Variants in CHCHD3 observed in about 807,000 individuals in gnomAD.
CHCHD3 encodes MICOS complex subunit MIC19.
In CHCHD3, 20 loss-of-function variants were observed where a neutral mutation model predicts 38.2. That is an observed-to-expected ratio of 0.52 (90% CI 0.37 to 0.76). CHCHD3 has a LOEUF of 0.76. Among genes scored for constraint, CHCHD3 ranks in the 30% least tolerant of loss-of-function variants. The pLI is 0.00. For missense variants in CHCHD3, 245 were observed against 279.2 expected (o/e 0.88, Z 0.87); for synonymous variants, 82 against 100.0 (o/e 0.82, Z 1.07).
At chr7:132,923,911 T>C (rs551434984) in intron 4 of CHCHD3, among the ~76,000 whole-genome samples, 5 of 152,338 alleles carry the variant, frequency 3.3e-5, no homozygotes, top group South Asian at 4.1e-4. Context: ...CATAGATGAA[T>C]TGTTTAATTT....
chr7:132,973,918 A>G (rs1166972966), intron 4 of CHCHD3: 2 of 1,257,386 alleles, frequency 1.6e-6, no homozygotes, highest in Non-Finnish European at 1.0e-6. Flanking sequence ...CTGTGCTCCA[A>G]TGAGGACTAA....
rs1810646202 is a variant in CHCHD3 at position 132,936,926 on chromosome 7, T to G, written c.369+38243A>C. Among the ~76,000 whole-genome samples, 3 of 152,186 alleles carry G rather than the reference T, an allele frequency of 2.0e-5. No individual in the cohort carries two copies. In the South Asian group the frequency reaches 6.2e-4, roughly 31 times the overall value. On this transcript the variant is annotated intron_variant, in intron 4 of 7. Coordinates refer to ENST00000262570, the MANE Select transcript of CHCHD3 (RefSeq NM_017812.4). ...TAGCCATTGTCAAGAAAATTGGAGTTGCTCAGGCATAGCAGAGTTACTGAT... is the reference window on the plus strand; with the variant it reads ...TAGCCATTGTCAAGAAAATTGGAGTGGCTCAGGCATAGCAGAGTTACTGAT...
chr7:132,920,974 G>C (rs976153559), intron 4 of CHCHD3, among the ~76,000 whole-genome samples: 1 of 152,090 alleles, frequency 6.6e-6, no homozygotes, highest in Non-Finnish European at 1.5e-5. Flanking sequence ...CTCCAGTACT[G>C]GCTGGGGAAG....
intron 3 of CHCHD3, among the ~76,000 whole-genome samples, chr7:132,996,085 C>A (rs921371858): frequency 4.6e-5 from 7 of 152,244 alleles, no homozygotes; most frequent in South Asian, 2.1e-4. Flanking sequence ...GGTAAAAAAA[C>A]CAAATAGCTA....
At chr7:132,794,581 T>G (rs1806555540) in intron 7 of CHCHD3, among the ~76,000 whole-genome samples, 1 of 152,182 alleles carries the variant, frequency 6.6e-6, no homozygotes, top group Non-Finnish European at 1.5e-5. Flanking sequence ...ATTATTAACT[T>G]GTATTATACA....
intron 5 of CHCHD3, among the ~76,000 whole-genome samples, chr7:132,871,195 T>C (rs1808759958): frequency 6.6e-6 from 1 of 152,234 alleles, no homozygotes; most frequent in African/African-American, 2.4e-5. Flanking sequence ...TTACTTTATA[T>C]AACTTGAGCC....
chr7:133,079,687 T>G (rs1815113118), intron 1 of CHCHD3, among the ~76,000 whole-genome samples: 1 of 152,212 alleles, frequency 6.6e-6, no homozygotes, highest in Admixed American at 6.5e-5. Context: ...TTTAAACTGA[T>G]GTCTGCTTAA....
chr7:133,060,876 C>G (rs1814486677), intron 2 of CHCHD3, among the ~76,000 whole-genome samples: 1 of 152,144 alleles, frequency 6.6e-6, no homozygotes, highest in Non-Finnish European at 1.5e-5. Flanking sequence ...AGGCATTGCA[C>G]TCCAGCCTGG....
chr7:132,914,108 C>G (rs1810037733), intron 4 of CHCHD3, among the ~76,000 whole-genome samples: 1 of 149,012 alleles, frequency 6.7e-6, no homozygotes, highest in East Asian at 2.0e-4. Context: ...TACAGATGCC[C>G]ACCACCATGC....
chr7:133,024,700 A>G, intron 2 of CHCHD3, 73 bp from the exon 3 acceptor site: 1 of 1,136,162 alleles, frequency 8.8e-7, no homozygotes, highest in Non-Finnish European at 1.3e-6. Context: ...AATACTCAGG[A>G]AAGCCCGGCT....
intron 6 of CHCHD3, among the ~76,000 whole-genome samples, chr7:132,835,893 T>C (rs1324262689): frequency 1.3e-5 from 2 of 152,154 alleles, no homozygotes; most frequent in Non-Finnish European, 2.9e-5. Context: ...CAGATTAGCA[T>C]GTAGACACAA....
At chr7:132,901,260 C>T (rs150178146) in intron 4 of CHCHD3, among the ~76,000 whole-genome samples, 3 of 152,224 alleles carry the variant, frequency 2.0e-5, no homozygotes, top group Non-Finnish European at 4.4e-5. Flanking sequence ...CAAATGATAA[C>T]CTGAGGCCTA....
At position 132,881,658 on chromosome 7, in the gene CHCHD3, T is replaced by G. The variant is rs138180327; in HGVS notation, c.453+4004A>C. 1.2e-4 allele frequency among the ~76,000 whole-genome samples: 19 copies of G among 152,334 alleles called. 1 individual carries two copies. The highest frequency in any genetic ancestry group is 3.4e-3 in the Middle Eastern group (1 of 294). On this transcript the variant is annotated intron_variant, in intron 5 of 7. Transcript: ENST00000262570. ...AAAGATATGTGCTTATGTCCACTTTTAAACCACAGGCAACCTGGATTTCCT... is the reference window on the plus strand; with the variant it reads ...AAAGATATGTGCTTATGTCCACTTTGAAACCACAGGCAACCTGGATTTCCT...
In CHCHD3 at chr7:132,897,014, T is replaced by C. The variant is rs372245908; in HGVS notation, c.370-11269A>G. On this transcript the variant is annotated intron_variant, in intron 4 of 7. Coordinates refer to ENST00000262570, the MANE Select transcript of CHCHD3 (RefSeq NM_017812.4). The stretch of plus-strand genomic sequence containing the variant: ...ATCAACTACTGAATGCTACCATCAC[T>C]GGTAAAAGCAGGGTGGTCTCAACTC... Among the ~76,000 whole-genome samples the C allele has an allele frequency of 1.6e-4, 24 of 152,340 alleles. No individual in the cohort carries two copies. The East Asian group carries it at 3.7e-3, about 23-fold the overall frequency.
chr7:132,983,351 T>C (rs1811968831), intron 3 of CHCHD3, among the ~76,000 whole-genome samples: 1 of 152,046 alleles, frequency 6.6e-6, no homozygotes, highest in African/African-American at 2.4e-5. Context: ...TATCAAAATG[T>C]ATGCACACAA....
intron 6 of CHCHD3, chr7:132,830,630 T>C (rs1455164838): frequency 6.6e-6 from 1 of 152,216 alleles, no homozygotes; most frequent in Non-Finnish European, 1.5e-5. Flanking sequence ...AAATGTGTAT[T>C]TGCCATTAGC....
At chr7:132,786,415 C>T (rs1247632162) in intron 7 of CHCHD3, among the ~76,000 whole-genome samples, 1 of 152,144 alleles carries the variant, frequency 6.6e-6, no homozygotes, top group African/African-American at 2.4e-5. Flanking sequence ...GTACCTATTC[C>T]CAGATTGCAG....
chr7:132,938,693 T>C (rs1810689231), intron 4 of CHCHD3, among the ~76,000 whole-genome samples: 1 of 152,112 alleles, frequency 6.6e-6, no homozygotes, highest in African/African-American at 2.4e-5. Flanking sequence ...CTGACAGCTC[T>C]CCTCCACTGG....
At chr7:132,903,564 A>G (rs1158262933) in intron 4 of CHCHD3, among the ~76,000 whole-genome samples, 1 of 152,228 alleles carries the variant, frequency 6.6e-6, no homozygotes, top group Non-Finnish European at 1.5e-5. Context: ...CACCAGGCAG[A>G]TCCATCTCTA....
Sources: allele counts gnomAD v4.1 joint callset (sites outside exome capture counted in the v4.1 genomes callset), GRCh38; gene constraint gnomAD v4.1.1; transcripts MANE v1.5; gene names NCBI Gene and HGNC (gene_info 2026-07-23, HGNC 2026-07-21).